The following PCDHA3 variants were observed in gnomAD, a reference collection of about 807,000 sequenced individuals.
PCDHA3 encodes protocadherin alpha 3.
In PCDHA3, 41 loss-of-function variants were observed where a neutral mutation model predicts 62.2. The observed-to-expected ratio is 0.66, with a 90% CI of 0.51 to 0.86. PCDHA3 has a LOEUF of 0.86. Ranked by LOEUF, PCDHA3 falls within the 40% of genes least tolerant of loss-of-function variation. The pLI is 0.00. For synonymous variants in PCDHA3, 640 were observed against 555.4 expected, an observed-to-expected ratio of 1.15 and a Z score of -2.14; for missense variants, 1,304 against 1,241.2, an observed-to-expected ratio of 1.05 and a Z score of -0.76.
intron 1 of PCDHA3, among the ~76,000 whole-genome samples, chr5:140,961,681 G>A (rs911141843): frequency 3.9e-5 from 6 of 152,152 alleles, no homozygotes; most frequent in African/African-American, 9.7e-5. Context: ...TAATTAAGCC[G>A]GAGTAGTCCT....
chr5:140,915,626 GTC>G (rs57920489), intron 1 of PCDHA3, among the ~76,000 whole-genome samples: 12,146 of 145,794 alleles, frequency 0.083, 491 homozygotes, highest in Middle Eastern at 0.12. Context: ...GTCTCTTTCT[GTC>G]TCTCTCTCTC....
rs1562832308 is a variant in PCDHA3 at position 140,887,757 on chromosome 5, CAT to C, written c.2394+84169_2394+84170del. 3.3e-5 allele frequency among the ~76,000 whole-genome samples: 5 copies of C among 152,284 alleles called. No homozygotes were observed. In the East Asian group the frequency reaches 9.6e-4, roughly 29 times the overall value. On this transcript the variant is annotated intron_variant, in intron 1 of 3. Transcript: ENST00000522353. ...CATCCTTTCTGAGACTCCAGTAACA[CAT>C]ATGTTACAATGACACAGGTCATTGA...
At chr5:140,954,367 C>T (rs246024) in intron 1 of PCDHA3, among the ~76,000 whole-genome samples, 85,692 of 152,060 alleles carry the variant, frequency 0.56, 24,769 homozygotes, top group African/African-American at 0.69. Context: ...CACACAGTCT[C>T]CCACAATGAG....
intron 1 of PCDHA3, among the ~76,000 whole-genome samples, chr5:140,855,354 G>T (rs1250277544): frequency 6.7e-6 from 1 of 149,904 alleles, no homozygotes; most frequent in Non-Finnish European, 1.5e-5. Context: ...AAGTCATGTG[G>T]CTAGTGAGTA....
chr5:140,938,166 G>A (rs2091953104), intron 1 of PCDHA3, among the ~76,000 whole-genome samples: 2 of 151,980 alleles, frequency 1.3e-5, no homozygotes, highest in South Asian at 4.1e-4. Flanking sequence ...GGCTAGTCTG[G>A]AGCTCCTGGG....
chr5:140,962,237 C>G (rs982591816), intron 1 of PCDHA3, among the ~76,000 whole-genome samples: 5 of 152,108 alleles, frequency 3.3e-5, no homozygotes, highest in Non-Finnish European at 5.9e-5. Context: ...TTCACTTAAC[C>G]ATTTTCTTCA....
At chr5:140,988,348 A>T (rs2097293800) in intron 3 of PCDHA3, among the ~76,000 whole-genome samples, 1 of 152,116 alleles carries the variant, frequency 6.6e-6, no homozygotes, top group Admixed American at 6.6e-5. Flanking sequence ...TCCTTTTAAG[A>T]TGCACTTTTA....
intron 1 of PCDHA3, chr5:140,877,520 C>T (rs2057180531): frequency 6.2e-7 from 1 of 1,613,784 alleles, no homozygotes; most frequent in Non-Finnish European, 8.5e-7. Context: ...TCGCGGGCCT[C>T]AGTGGGCGCT....
intron 1 of PCDHA3, among the ~76,000 whole-genome samples, chr5:140,879,868 A>G (rs544274525): frequency 2.0e-5 from 3 of 152,222 alleles, no homozygotes; most frequent in Middle Eastern, 3.4e-3. Context: ...CTCAGCTTTC[A>G]TGGTCACATT....
rs185233104 is a variant in PCDHA3, at chr5:140,979,751, C to T, written c.2453+744C>T. 6.6e-5 allele frequency among the ~76,000 whole-genome samples: 10 copies of T among 152,136 alleles called. No individual in the cohort carries two copies. The South Asian group carries it at 1.2e-3, about 19-fold the overall frequency. On this transcript the variant is annotated intron_variant, in intron 2 of 3. Coordinates refer to ENST00000522353, the MANE Select transcript of PCDHA3 (RefSeq NM_018906.3). ...GGCCAAATAAAAGATTCATTATTTG[C>T]GAATGTCTTTGGAAACCAAATGGGA...
chr5:140,857,144 A>G, intron 1 of PCDHA3: 1 of 1,598,350 alleles, frequency 6.3e-7, no homozygotes, highest in Non-Finnish European at 8.6e-7. Context: ...TCAAGTGGGC[A>G]CCGTCATTGC....
intron 1 of PCDHA3, among the ~76,000 whole-genome samples, chr5:140,953,801 T>C (rs2094937379): frequency 6.6e-6 from 1 of 152,204 alleles, no homozygotes; most frequent in Non-Finnish European, 1.5e-5. Flanking sequence ...ACTTTTAAGT[T>C]CTGAGGTGCA....
rs556069691 is a variant in PCDHA3 at position 140,951,526 on chromosome 5, G to A, written c.2395-27423G>A. Among the ~76,000 whole-genome samples the A allele has an allele frequency of 7.4e-4, 112 of 152,076 alleles. 1 individual carries two copies. The highest frequency in any genetic ancestry group is 2.6e-3 in the African/African-American group (107 of 41,516). ...GGAAAGCGGCTCATCTTACATGGCC[G>A]GTGCAGGAGCAAGGGACGGGGGGAA... is the stretch of plus-strand genomic sequence containing the variant. On this transcript the variant is annotated intron_variant, in intron 1 of 3. Transcript: ENST00000522353.
chr5:140,865,598 C>A (rs542387225), intron 1 of PCDHA3: 1 of 152,240 alleles, frequency 6.6e-6, no homozygotes, highest in African/African-American at 2.4e-5. Flanking sequence ...ATTGTTTGAG[C>A]AGTTTATTAA....
Position 140,809,179 on chromosome 5 carries a change from T to C in PCDHA3, c.2394+5588T>C, listed in dbSNP as rs782035761. 8.7e-6 allele frequency: 14 copies of C among 1,613,886 alleles called. No homozygotes were observed. In the African/African-American group the frequency reaches 9.3e-5, roughly 11 times the overall value. ...AGCCCGCGCTGACGGCCACGGCCAC[T>C]GTGCTGGTGTCACTTGTGGAGAGTG... On this transcript the variant is annotated intron_variant, in intron 1 of 3. Transcript: ENST00000522353.
Position 140,932,319 on chromosome 5 carries a change from G to A in PCDHA3, c.2395-46630G>A, listed in dbSNP as rs60286116. Among the ~76,000 whole-genome samples the A allele has an allele frequency of 3.3e-3, 499 of 151,902 alleles. 2 individuals are homozygous for A. The highest frequency in any genetic ancestry group is 0.012 in the African/African-American group (480 of 41,512). ...TTTTTAAAGGTATAAATATATTAATGTAGCAAAAATGCATGAAACACTTAC... is the reference window on the plus strand; with the variant it reads ...TTTTTAAAGGTATAAATATATTAATATAGCAAAAATGCATGAAACACTTAC... On this transcript the variant is annotated intron_variant, in intron 1 of 3. Transcript: ENST00000522353.
intron 1 of PCDHA3, chr5:140,849,308 A>C (rs1224094157): frequency 7.7e-7 from 1 of 1,299,604 alleles, no homozygotes; most frequent in Admixed American, 2.3e-5. Flanking sequence ...ATTTAGACGA[A>C]GGCTTGAATG....
intron 3 of PCDHA3, among the ~76,000 whole-genome samples, chr5:140,984,861 C>T (rs1163314869): frequency 6.6e-6 from 1 of 151,870 alleles, no homozygotes; most frequent in Non-Finnish European, 1.5e-5. Flanking sequence ...ATAATAACAC[C>T]TATTTTATTG....
intron 1 of PCDHA3, among the ~76,000 whole-genome samples, chr5:140,871,794 ATTACTATT>A (rs1415079404): frequency 2.2e-4 from 33 of 152,228 alleles, no homozygotes; most frequent in African/African-American, 7.7e-4. Flanking sequence ...AGTAGAAATA[ATTACTATT>A]TTCACTAAAG....
Sources: gnomAD v4.1 joint callset for allele counts (sites outside exome capture counted in the v4.1 genomes callset) on GRCh38, gnomAD v4.1.1 for gene constraint, MANE v1.5 for transcripts, NCBI Gene and HGNC (gene_info 2026-07-23, HGNC 2026-07-21) for gene names.